The following SNED1 variants were observed in gnomAD, a reference collection of about 807,000 sequenced individuals.
The protein encoded by SNED1 is sushi, nidogen and EGF like domains 1.
In SNED1, 81 loss-of-function variants were observed where a neutral mutation model predicts 166.7. That is an observed-to-expected ratio of 0.49 (90% CI 0.41 to 0.58). SNED1 has a LOEUF of 0.58. Among genes scored for constraint, SNED1 ranks in the 20% least tolerant of loss-of-function variants. SNED1 has a pLI of 0.00. For synonymous variants in SNED1, 762 were observed against 822.0 expected (o/e 0.93, Z 1.25); for missense variants, 1,604 against 2,000.2 (o/e 0.80, Z 3.78).
At chr2:241,017,449 C>G (rs555846920) in intron 1 of SNED1, among the ~76,000 whole-genome samples, 1 of 152,360 alleles carries the variant, frequency 6.6e-6, no homozygotes, top group East Asian at 1.9e-4. Flanking sequence ...AGCAAGCCTG[C>G]TTTTTGCCCC....
In SNED1 at chr2:241,075,699, C is replaced by G. The variant is rs2062987524; in HGVS notation, c.3916+2335C>G. 1 of 152,082 alleles carries G rather than the reference C, an allele frequency of 6.6e-6. No individual in the cohort carries two copies. The highest frequency in any genetic ancestry group is 1.5e-5 in the Non-Finnish European group (1 of 68,022). 9.4% of individuals were successfully genotyped at this position (152,082 alleles called of 1,614,324 possible). On this transcript the variant is annotated intron_variant, in intron 27 of 31. Transcript: ENST00000310397. This position sits in a 1 kb window ranked among gnomAD's most constrained non-coding sequence, Gnocchi z 4.8. ...TGGTACTTCCTAATAGAGAAAAGTT[C>G]ATAATCAAATTTATCAAGCATTAGT...
At chr2:241,053,828 G>A (rs1400495852) in intron 16 of SNED1, among the ~76,000 whole-genome samples, 1 of 152,190 alleles carries the variant, frequency 6.6e-6, no homozygotes, top group African/African-American at 2.4e-5. Flanking sequence ...CTAGAGACAA[G>A]GCTCCCTCTG....
Position 241,018,260 on chromosome 2 carries a change from A to G in SNED1, c.214-12024A>G, listed in dbSNP as rs4497870. Among the ~76,000 whole-genome samples the G allele has an allele frequency of 0.29, 44,065 of 152,140 alleles. 6,711 individuals are homozygous for G. The highest frequency in any genetic ancestry group is 0.35 in the Non-Finnish European group (23,684 of 67,972). Reference sequence around the variant, plus strand: ...CGCTCAGATGACGGGGAAGCTATGAATTCAAGTCAGCAAGATGGAAGCAAG... The same window carrying G: ...CGCTCAGATGACGGGGAAGCTATGAGTTCAAGTCAGCAAGATGGAAGCAAG... On this transcript the variant is annotated intron_variant, in intron 1 of 31. Transcript: ENST00000310397. The surrounding 1 kb of genome is among the most constrained non-coding windows in gnomAD (Gnocchi z 5.4).
Position 241,052,477 on chromosome 2 carries a change from G to A in SNED1, c.2083+9G>A, listed in dbSNP as rs781133705. ...ACGCCGGTGCCAGGCAGGTGAGAGG[G>A]TCAGGGGGATCAAGCAGGGTACATG... On this transcript the variant is annotated intron_variant, in intron 15 of 31. Transcript: ENST00000310397. 2 of 1,594,154 alleles carry A rather than the reference G, an allele frequency of 1.3e-6. No individual in the cohort carries two copies. The highest frequency in any genetic ancestry group is 1.7e-6 in the Non-Finnish European group (2 of 1,166,262).
rs1254766444 is a variant in SNED1 at position 241,094,216 on chromosome 2, T to G, written c.*2580T>G. On this transcript the variant is annotated 3_prime_UTR_variant, in exon 32 of 32. Coordinates refer to ENST00000310397, the MANE Select transcript of SNED1 (RefSeq NM_001080437.3). This position sits in a 1 kb window ranked among gnomAD's most constrained non-coding sequence, Gnocchi z 4.3. The stretch of plus-strand genomic sequence containing the variant: ...GGTACAAGTAAGGGAATCTTTGCTG[T>G]GCCCACTGTCCTCCAGTAGAGAACC... 1 of 432,490 alleles carries G rather than the reference T, an allele frequency of 2.3e-6. No homozygotes were observed. The highest frequency in any genetic ancestry group is 2.1e-5 in the African/African-American group (1 of 48,542). The allele number at this position is 432,490 out of a possible 1,614,324, so 26.8% of individuals were successfully genotyped here. A position where few individuals can be genotyped will look rare whatever the true frequency, so the allele number is the denominator to read the frequency against.
intron 18 of SNED1, 41 bp from the exon 19 acceptor site, chr2:241,063,970 TC>T: frequency 7.3e-7 from 1 of 1,361,828 alleles, no homozygotes; most frequent in Non-Finnish European, 1.0e-6. Flanking sequence ...TCCCCCAGAC[TC>T]CCCCCTTGCA....
At chr2:241,031,496 C>T (rs60850549) in intron 2 of SNED1, among the ~76,000 whole-genome samples, 9,330 of 152,286 alleles carry the variant, frequency 0.061, 612 homozygotes, top group African/African-American at 0.16. Context: ...CAGCCCTGGA[C>T]GAAGCAGACA....
rs370729561 is a variant in SNED1 at position 241,065,231 on chromosome 2, C to T, written c.2714-68C>T. Reference sequence around the variant, plus strand: ...GAGCCAGACCCGGCTGAGCCGCCGACGGGAGCCAGGCATGCATAGCTAACG... The same window carrying T: ...GAGCCAGACCCGGCTGAGCCGCCGATGGGAGCCAGGCATGCATAGCTAACG... On this transcript the variant is annotated intron_variant, in intron 20 of 31. Transcript: ENST00000310397. The T allele has an allele frequency of 1.7e-4, 265 of 1,539,224 alleles. No individual in the cohort carries two copies. The African/African-American group carries it at 3.2e-3, about 19-fold the overall frequency.
At position 241,063,611 on chromosome 2, in the gene SNED1, C is replaced by T; in HGVS notation, c.2396C>T (p.Pro799Leu). 4.3e-6 allele frequency: 7 copies of T among 1,611,086 alleles called. No homozygotes were observed. The highest frequency in any genetic ancestry group is 5.9e-6 in the Non-Finnish European group (7 of 1,178,738). The part of the protein sequence containing the change: ...ELERDECRAH[P>L]CRNGGSCRNL... ...GAGAGGGATGAGTGCCGAGCTCACC[C>T]GTGCAGAAATGGAGGGTCCTGCAGG... Residue 799 changes from proline to leucine, a missense_variant, in exon 18 of 32, where the codon CCG becomes CTG. Coordinates refer to ENST00000310397, the MANE Select transcript of SNED1 (RefSeq NM_001080437.3).
chr2:241,087,574 G>A (rs1194365939), intron 30 of SNED1, 99 bp downstream of exon 30: 4 of 1,467,742 alleles, frequency 2.7e-6, no homozygotes, highest in Admixed American at 2.8e-5. Context: ...CCTGTGGGCT[G>A]AGCCAGGCGG....
In SNED1 at chr2:240,998,770, C is replaced by G. The variant is rs1163499586; in HGVS notation, c.-68C>G. The G allele has an allele frequency of 1.3e-6, 1 of 794,564 alleles. No individual in the cohort carries two copies. Among genetic ancestry groups the G allele is most frequent in the African/African-American group, 1.9e-5 (1 of 53,290 alleles). 49.2% of individuals were successfully genotyped at this position (794,564 alleles called of 1,614,324 possible). On this transcript the variant is annotated 5_prime_UTR_variant, in exon 1 of 32. Coordinates refer to ENST00000310397, the MANE Select transcript of SNED1 (RefSeq NM_001080437.3). ...ACCCCGCCTGGCCCTGCCGGCCACC[C>G]CCGCGCGCAGCCTAGTCCCCCAGCG...
chr2:241,062,978 C>T (rs1559282535), intron 17 of SNED1, 74 bp downstream of exon 17: 10 of 960,552 alleles, frequency 1.0e-5, no homozygotes, highest in South Asian at 8.4e-5. Context: ...CTGGGTCCCC[C>T]GGACAGGTCT....
At chr2:241,031,497 G>A (rs914699678) in intron 2 of SNED1, among the ~76,000 whole-genome samples, 13 of 152,348 alleles carry the variant, frequency 8.5e-5, no homozygotes, top group East Asian at 5.8e-4. Context: ...AGCCCTGGAC[G>A]AAGCAGACAA....
Position 241,093,274 on chromosome 2 carries a change from C to A in SNED1, c.*1638C>A, listed in dbSNP as rs1014380096. On this transcript the variant is annotated 3_prime_UTR_variant, in exon 32 of 32. Transcript: ENST00000310397. Reference sequence around the variant, plus strand: ...GTTCACAAACGCGTACTGCGGACTTCCTGCCGCCCTGGGACCTGTCACTGT... The same window carrying A: ...GTTCACAAACGCGTACTGCGGACTTACTGCCGCCCTGGGACCTGTCACTGT... The A allele has an allele frequency of 2.0e-5, 3 of 152,654 alleles. No individual in the cohort carries two copies. 9.5% of individuals were successfully genotyped at this position (152,654 alleles called of 1,614,324 possible). A position where few individuals can be genotyped will look rare whatever the true frequency, so the allele number is the denominator to read the frequency against.
chr2:241,052,105 C>G lies in SNED1; in HGVS notation c.1917C>G (p.Gly639=). Residue 639 remains glycine, a synonymous_variant, in exon 14 of 32, where the codon GGC becomes GGG. Transcript: ENST00000310397. ...GCGGCACCTGCTTCCACTACATTGG[C>G]AAATACAAGTGTGACTGTCCCCCAG... is the stretch of plus-strand genomic sequence containing the variant. ...HNGGTCFHYI[G]KYKCDCPPGF... is the part of the protein sequence containing the mutation. The G allele has an allele frequency of 6.2e-7, 1 of 1,613,908 alleles. No homozygotes were observed. The highest frequency in any genetic ancestry group is 8.5e-7 in the Non-Finnish European group (1 of 1,179,842).
In SNED1 at chr2:241,067,873, G is replaced by T; in HGVS notation, c.3120G>T (p.Val1040=). The T allele has an allele frequency of 6.2e-7, 1 of 1,613,512 alleles. No individual in the cohort carries two copies. The highest frequency in any genetic ancestry group is 1.1e-5 in the South Asian group (1 of 91,068). ...ATGCCACCGTCAGTGGGGTCCGTGT[G>T]TCCATCCGCCACCCTGAGGCCCTCA... is the stretch of plus-strand genomic sequence containing the variant. ...IRHATVSGVR[V]SIRHPEALRD... Residue 1040 remains valine, a synonymous_variant, in exon 22 of 32, where the codon GTG becomes GTT. Coordinates refer to ENST00000310397, the MANE Select transcript of SNED1 (RefSeq NM_001080437.3).
intron 1 of SNED1, among the ~76,000 whole-genome samples, chr2:241,020,571 C>T (rs978486581): frequency 3.3e-5 from 5 of 152,184 alleles, no homozygotes; most frequent in Non-Finnish European, 7.3e-5. Flanking sequence ...ATACCATTTC[C>T]TTTAGGCCAC....
chr2:241,070,941 G>T (rs1288359952), intron 24 of SNED1, among the ~76,000 whole-genome samples: 1 of 152,234 alleles, frequency 6.6e-6, no homozygotes, highest in Non-Finnish European at 1.5e-5. Context: ...GTGAGGCTGT[G>T]CTGGGGACAC....
Position 241,092,167 on chromosome 2 carries a change from GCCGC to G in SNED1, c.*534_*537del, listed in dbSNP as rs2064065380. 1 of 152,328 alleles carries G rather than the reference GCCGC, an allele frequency of 6.6e-6. No individual in the cohort carries two copies. The highest frequency in any genetic ancestry group is 2.4e-5 in the African/African-American group (1 of 41,460). The allele number at this position is 152,328 out of a possible 1,614,324, so 9.4% of individuals were successfully genotyped here. A position where few individuals can be genotyped will look rare whatever the true frequency, so the allele number is the denominator to read the frequency against. On this transcript the variant is annotated 3_prime_UTR_variant, in exon 32 of 32. Coordinates refer to ENST00000310397, the MANE Select transcript of SNED1 (RefSeq NM_001080437.3). This position sits in a 1 kb window ranked among gnomAD's most constrained non-coding sequence, Gnocchi z 4.6. ...GAAGGAAAGCCGGGTTGCAGACACA[GCCGC>G]CCCTGCTCTGGTCCTCCAGCGTGTT...
Sources: gnomAD v4.1 joint callset for allele counts (sites outside exome capture counted in the v4.1 genomes callset) on GRCh38, gnomAD v4.1.1 for gene constraint, Gnocchi (gnomAD v3.1) non-coding constraint, MANE v1.5 for transcripts, NCBI Gene and HGNC (gene_info 2026-07-23, HGNC 2026-07-21) for gene names.